WARS2: variants seen among roughly 807,000 people sequenced by gnomAD.
WARS2 encodes tryptophan--tRNA ligase, mitochondrial.
WARS2 carries 28 observed loss-of-function variants against 36.5 expected under a neutral mutation model. The ratio of observed to expected loss-of-function variants is 0.77; its 90% CI spans 0.57 to 1.05. WARS2 has a LOEUF of 1.05. WARS2 is among the 50% of genes least tolerant of loss of function. WARS2 has a pLI of 0.00. For synonymous variants in WARS2, 174 were observed against 178.4 expected (o/e 0.98, Z 0.20); for missense variants, 435 against 456.8 (o/e 0.95, Z 0.44).
chr1:119,093,448 C>T (rs930931834), intron 1 of WARS2, among the ~76,000 whole-genome samples: 1 of 58,984 alleles, frequency 1.7e-5, no homozygotes, highest in Non-Finnish European at 3.2e-5. Context: ...AGGATCTTCG[C>T]AGATATAATC....
At chr1:119,042,037 A>G (rs2148149) in intron 4 of WARS2, among the ~76,000 whole-genome samples, 10,344 of 152,232 alleles carry the variant, frequency 0.068, 469 homozygotes, top group East Asian at 0.2. Context: ...GTCAGCTCTT[A>G]ATATTATTAG....
intron 2 of WARS2, among the ~76,000 whole-genome samples, chr1:119,057,208 C>T (rs980694924): frequency 1.2e-4 from 18 of 152,006 alleles, no homozygotes; most frequent in South Asian, 2.1e-4. Context: ...GTCAGTGGCA[C>T]GATCTCGGCT....
intron 1 of WARS2, among the ~76,000 whole-genome samples, chr1:119,084,083 C>T (rs886168755): frequency 2.0e-5 from 3 of 150,674 alleles, no homozygotes; most frequent in Non-Finnish European, 2.9e-5. Flanking sequence ...GTACTGTGGA[C>T]GATCAGAGCT....
At chr1:119,040,388 C>A (rs1648248567) in intron 4 of WARS2, among the ~76,000 whole-genome samples, 1 of 152,208 alleles carries the variant, frequency 6.6e-6, no homozygotes, top group Non-Finnish European at 1.5e-5. Context: ...TTTTCCATAG[C>A]CCTAAACTCA....
chr1:119,119,586 T>C (rs1029922020), intron 1 of WARS2, among the ~76,000 whole-genome samples: 24 of 152,040 alleles, frequency 1.6e-4, no homozygotes, highest in African/African-American at 5.8e-4. Flanking sequence ...TAGAACATTC[T>C]ACCCAACAAC....
chr1:119,087,233 C>CT (rs1652740505), intron 1 of WARS2, among the ~76,000 whole-genome samples: 1 of 152,126 alleles, frequency 6.6e-6, no homozygotes, highest in Non-Finnish European at 1.5e-5. Flanking sequence ...CAGGGACTAT[C>CT]TTTTCCTTCT....
intron 1 of WARS2, among the ~76,000 whole-genome samples, chr1:119,127,713 T>A (rs1447671519): frequency 1.3e-5 from 2 of 152,194 alleles, no homozygotes; most frequent in Non-Finnish European, 2.9e-5. Context: ...GACCCACACC[T>A]ACCTCTACCT....
At chr1:119,121,178 T>C (rs1655302337) in intron 1 of WARS2, among the ~76,000 whole-genome samples, 1 of 152,132 alleles carries the variant, frequency 6.6e-6, no homozygotes, top group South Asian at 2.1e-4. Context: ...CTAGATCTAA[T>C]AAATGAATTC....
chr1:119,100,645 A>G (rs1461364721), intron 1 of WARS2, among the ~76,000 whole-genome samples: 1 of 152,158 alleles, frequency 6.6e-6, no homozygotes, highest in African/African-American at 2.4e-5. Flanking sequence ...ATTTACAGCA[A>G]TGTGGATAGA....
intron 1 of WARS2, among the ~76,000 whole-genome samples, chr1:119,139,081 G>T (rs1656737978): frequency 6.6e-6 from 1 of 152,054 alleles, no homozygotes; most frequent in Non-Finnish European, 1.5e-5. Flanking sequence ...CTACGGCTTA[G>T]CTACTTTGAT....
At chr1:119,059,986 A>T (rs965767260) in intron 2 of WARS2, among the ~76,000 whole-genome samples, 5 of 152,186 alleles carry the variant, frequency 3.3e-5, no homozygotes, top group Admixed American at 3.3e-4. Context: ...ACTAATGGAT[A>T]CTAGACTTAA....
chr1:119,058,141 T>TA (rs1649998239), intron 2 of WARS2, among the ~76,000 whole-genome samples: 2 of 152,132 alleles, frequency 1.3e-5, no homozygotes, highest in African/African-American at 4.8e-5. Flanking sequence ...TTGTGAATGG[T>TA]ATGAGGTGAG....
intron 4 of WARS2, among the ~76,000 whole-genome samples, chr1:119,037,485 T>C (rs1647979933): frequency 6.6e-6 from 1 of 152,214 alleles, no homozygotes; most frequent in South Asian, 2.1e-4. Context: ...GACAGGAGTT[T>C]GGTGGTGTTT....
intron 1 of WARS2, chr1:119,085,595 G>A: frequency 6.5e-7 from 1 of 1,545,444 alleles, no homozygotes; most frequent in South Asian, 1.1e-5. Context: ...TTTCTTCTGA[G>A]TCCTTAGGAA....
intron 1 of WARS2, among the ~76,000 whole-genome samples, chr1:119,110,369 C>A (rs1413795975): frequency 6.6e-6 from 1 of 151,942 alleles, no homozygotes; most frequent in African/African-American, 2.4e-5. Context: ...GTATTTATTT[C>A]TTCTTCACTT....
At chr1:119,090,796 T>G (rs1370478569) in intron 1 of WARS2, among the ~76,000 whole-genome samples, 1 of 152,132 alleles carries the variant, frequency 6.6e-6, no homozygotes, top group African/African-American at 2.4e-5. Context: ...CTCAAGAGGC[T>G]GAGGTGGGAG....
intron 1 of WARS2, among the ~76,000 whole-genome samples, chr1:119,098,433 AT>A (rs1653610824): frequency 6.6e-6 from 1 of 152,026 alleles, no homozygotes; most frequent in South Asian, 2.1e-4. Flanking sequence ...TATTTATTTT[AT>A]TTTATTACTA....
intron 2 of WARS2, among the ~76,000 whole-genome samples, chr1:119,072,518 A>G (rs1651404180): frequency 6.6e-6 from 1 of 152,234 alleles, no homozygotes; most frequent in Admixed American, 6.5e-5. Flanking sequence ...ATAAAAAATC[A>G]AAGTTTTAAT....
At chr1:119,122,017 G>A (rs1030456039) in intron 1 of WARS2, among the ~76,000 whole-genome samples, 1 of 152,040 alleles carries the variant, frequency 6.6e-6, no homozygotes, top group Non-Finnish European at 1.5e-5. Flanking sequence ...AAAAGCAAAT[G>A]CAATGAAAAC....
Sources: allele counts gnomAD v4.1 joint callset (sites outside exome capture counted in the v4.1 genomes callset), GRCh38; gene constraint gnomAD v4.1.1; transcripts MANE v1.5; gene names NCBI Gene and HGNC (gene_info 2026-07-23, HGNC 2026-07-21).